ADAT1: variants seen among roughly 807,000 people sequenced by gnomAD.
ADAT1 encodes the protein tRNA-specific adenosine deaminase 1.
Under a neutral mutation model 58.6 loss-of-function variants are expected in ADAT1, and 58 were observed. The ratio of observed to expected loss-of-function variants is 0.99; its 90% confidence interval spans 0.80 to 1.23. ADAT1 has a LOEUF of 1.23. ADAT1 is among the 50% of genes most tolerant of loss of function. The pLI is 0.00. For missense variants in ADAT1, 741 were observed against 608.6 expected, an observed-to-expected ratio of 1.22 and a Z score of -2.29; for synonymous variants, 254 against 220.8, an observed-to-expected ratio of 1.15 and a Z score of -1.33.
chr16:75,601,832 C>G (rs1249874582), intron 9 of ADAT1: 1 of 152,134 alleles, frequency 6.6e-6, no homozygotes. Flanking sequence ...GCCAACTGAC[C>G]ACAGATCCAT....
At position 75,608,335 on chromosome 16, in the gene ADAT1, T is replaced by C. The variant is rs983192792; in HGVS notation, c.1190-12A>G. 2 of 1,610,374 alleles carry C rather than the reference T, an allele frequency of 1.2e-6. No homozygotes were observed. The highest frequency in any genetic ancestry group is 1.7e-6 in the Non-Finnish European group (2 of 1,176,754). On this transcript the variant is annotated splice_polypyrimidine_tract_variant and intron_variant, in intron 7 of 9. Transcript: ENST00000564657. ...ACTCCAGCTGATGGCTATGAAAAGATAAGATTCTAGGGTTAAAACTGCTCA... is the reference window on the plus strand; with the variant it reads ...ACTCCAGCTGATGGCTATGAAAAGACAAGATTCTAGGGTTAAAACTGCTCA...
At position 75,612,709 on chromosome 16, in the gene ADAT1, C is replaced by T. The variant is rs754541349; in HGVS notation, c.577G>A (p.Val193Ile). The change falls in exon 6 of 10, where the codon GTA becomes ATA. Residue 193 changes from valine to isoleucine, a missense_variant. Val to Ile is a conservative substitution (Grantham distance 29). Transcript: ENST00000564657. ...ERKCEDPDSP[V>I]TKKMRLEPGT... ...GGCTCAAGCCTCATCTTTTTGGTTA[C>T]AGGACTGTCAGGGTCTTCACATTTT... 64 of 1,613,950 alleles carry T rather than the reference C, an allele frequency of 4.0e-5. No homozygotes were observed. The highest frequency in any genetic ancestry group is 4.8e-5 in the Non-Finnish European group (57 of 1,180,016).
intron 1 of ADAT1, among the ~76,000 whole-genome samples, chr16:75,621,765 C>T (rs1168536190): frequency 6.6e-6 from 1 of 152,180 alleles, no homozygotes; most frequent in Non-Finnish European, 1.5e-5. Context: ...CCCTAGGATA[C>T]TTTGCAGGGA....
chr16:75,598,303 TG>T lies in ADAT1; in HGVS notation c.*1912del. The T allele has an allele frequency of 3.2e-6, 1 of 309,600 alleles. No individual in the cohort carries two copies. Among genetic ancestry groups the T allele is most frequent in the South Asian group, 2.3e-5 (1 of 43,016 alleles). The allele number at this position is 309,600 out of a possible 1,614,324, so 19.2% of individuals were successfully genotyped here. A position where few individuals can be genotyped will look rare whatever the true frequency, so the allele number is the denominator to read the frequency against. On this transcript the variant is annotated 3_prime_UTR_variant, in exon 10 of 10. Transcript: ENST00000564657. Reference sequence around the variant, plus strand: ...GTTGGCCAGGATGGTCTTGATCTCCTGACGTCGTGATCTGCCCACCTCGGCC... The same window carrying T: ...GTTGGCCAGGATGGTCTTGATCTCCTACGTCGTGATCTGCCCACCTCGGCC...
chr16:75,615,141 C>T (rs957879435), intron 5 of ADAT1, among the ~76,000 whole-genome samples: 10 of 150,206 alleles, frequency 6.7e-5, no homozygotes, highest in Admixed American at 2.0e-4. Flanking sequence ...GCAGGAGAAT[C>T]GCCTGGACCC....
In ADAT1 at chr16:75,620,520, T is replaced by C. The variant is rs1417792082; in HGVS notation, c.169+111A>G. The C allele has an allele frequency of 1.7e-5, 25 of 1,438,178 alleles. No homozygotes were observed. In the Admixed American group the frequency reaches 3.9e-4, roughly 23 times the overall value. 89.1% of individuals were successfully genotyped at this position (1,438,178 alleles called of 1,614,324 possible). A position where few individuals can be genotyped will look rare whatever the true frequency, so the allele number is the denominator to read the frequency against. On this transcript the variant is annotated intron_variant, in intron 2 of 9. Transcript: ENST00000564657. ...TCACCTAGCAGAGGACAAGCACATA[T>C]GCCTAACATCGTAGTTCACACCCTA...
chr16:75,614,189 C>CA (rs980150397), intron 5 of ADAT1, among the ~76,000 whole-genome samples: 5 of 149,766 alleles, frequency 3.3e-5, no homozygotes, highest in African/African-American at 7.4e-5. Context: ...GATTCCATCT[C>CA]AAAAAAAAAG....
intron 5 of ADAT1, among the ~76,000 whole-genome samples, chr16:75,613,490 C>T (rs1053921029): frequency 6.6e-6 from 1 of 152,056 alleles, no homozygotes; most frequent in Non-Finnish European, 1.5e-5. Context: ...TTAGTAGAGA[C>T]GAGGTTTCAC....
Position 75,608,896 on chromosome 16 carries a change from G to A in ADAT1, c.1136C>T (p.Ala379Val), listed in dbSNP as rs762132802. 4.4e-5 allele frequency: 71 copies of A among 1,613,570 alleles called. No individual in the cohort carries two copies. The highest frequency in any genetic ancestry group is 5.8e-5 in the Non-Finnish European group (68 of 1,179,888). The change falls in exon 7 of 10, where the codon GCG becomes GTG. Residue 379 changes from alanine (A) to valine (V), a missense_variant. Coordinates refer to ENST00000564657, the MANE Select transcript of ADAT1 (RefSeq NM_001324445.2). ...GCTATCAGCCCTTTTTGCCTGCACC[G>A]CACTGCGGCTCTGTTCAAATAGTAA... ...SDLLFEQSRSAVQAKRADSPG... is the reference protein window; with the variant it reads ...SDLLFEQSRSVVQAKRADSPG...
rs1327745606 is a variant in ADAT1, at chr16:75,617,069, AC to A, written c.424+72del. On this transcript the variant is annotated intron_variant, in intron 5 of 9. Coordinates refer to ENST00000564657, the MANE Select transcript of ADAT1 (RefSeq NM_001324445.2). ...AGCCATTAGTGCTTTTTAGGAAAAA[AC>A]CTACCTATGGATAACACAAACATAA... 4 of 1,516,126 alleles carry A rather than the reference AC, an allele frequency of 2.6e-6. No individual in the cohort carries two copies. In the African/African-American group the frequency reaches 5.5e-5, roughly 21 times the overall value. The allele number at this position is 1,516,126 out of a possible 1,614,324, so 93.9% of individuals were successfully genotyped here.
chr16:75,612,464 C>G lies in ADAT1; in HGVS notation c.822G>C (p.Pro274=), dbSNP rs200300172. ...VPGEAGDSGK[P]GAAFHQVGLL... ...GCCCCACCTGGTGAAACGCAGCACC[C>G]GGCTTTCCGGAGTCTCCAGCTTCTC... The change falls in exon 6 of 10, where the codon CCG becomes CCC. Residue 274 remains proline, a synonymous_variant. Transcript: ENST00000564657. 1 of 1,614,192 alleles carries G rather than the reference C, an allele frequency of 6.2e-7. No homozygotes were observed. Among genetic ancestry groups the G allele is most frequent in the Non-Finnish European group, 8.5e-7 (1 of 1,180,044 alleles).
At chr16:75,612,171 A>G (rs1597117287) in intron 6 of ADAT1, 72 bp downstream of exon 6, 1 of 1,504,444 alleles carries the variant, frequency 6.6e-7, no homozygotes, top group Non-Finnish European at 9.0e-7. Flanking sequence ...GAGATTCTTA[A>G]TGCTCTTAGG....
rs968519813 is a variant in ADAT1 at position 75,620,462 on chromosome 16, G to A, written c.170-128C>T. The A allele has an allele frequency of 4.0e-5, 56 of 1,395,126 alleles. No individual in the cohort carries two copies. The African/African-American group carries it at 7.2e-4, about 18-fold the overall frequency. 86.4% of individuals were successfully genotyped at this position (1,395,126 alleles called of 1,614,324 possible). A position where few individuals can be genotyped will look rare whatever the true frequency, so the allele number is the denominator to read the frequency against. On this transcript the variant is annotated intron_variant, in intron 2 of 9. Coordinates refer to ENST00000564657, the MANE Select transcript of ADAT1 (RefSeq NM_001324445.2). Reference sequence around the variant, plus strand: ...CACTCAACCAAGGTCTGCGGTTCCAGCATGGCGGTCTCCCGCCATCAGAGG... The same window carrying A: ...CACTCAACCAAGGTCTGCGGTTCCAACATGGCGGTCTCCCGCCATCAGAGG...
At chr16:75,617,576 G>C (rs1259098716) in intron 4 of ADAT1, among the ~76,000 whole-genome samples, 4 of 151,784 alleles carry the variant, frequency 2.6e-5, no homozygotes, top group Non-Finnish European at 5.9e-5. Context: ...TGAGGCTGTA[G>C]TGAGCTATGA....
chr16:75,610,479 T>C (rs373056615), intron 6 of ADAT1, among the ~76,000 whole-genome samples: 1 of 152,134 alleles, frequency 6.6e-6, no homozygotes, highest in Admixed American at 6.5e-5. Flanking sequence ...GTATTTTTTG[T>C]AGAGACAGGG....
At chr16:75,618,728 C>T in intron 3 of ADAT1, 88 bp from the exon 4 acceptor site, 2 of 1,497,138 alleles carry the variant, frequency 1.3e-6, no homozygotes, top group African/African-American at 1.4e-5. Context: ...GTCCCACCAG[C>T]ACCCAGGATG....
chr16:75,620,408 C>A (rs1479576415), intron 2 of ADAT1, 74 bp from the exon 3 acceptor site: 2 of 1,525,300 alleles, frequency 1.3e-6, no homozygotes, highest in Non-Finnish European at 9.1e-7. Context: ...GATCAGCCTG[C>A]ACACTCCTCT....
Position 75,599,979 on chromosome 16 carries a change from A to G in ADAT1, c.*237T>C, listed in dbSNP as rs1473541672. ...TGATTTCATATTTTAGAGAAGCAAT[A>G]AAACACAATGGAAGTCAGATAGTGA... On this transcript the variant is annotated 3_prime_UTR_variant, in exon 10 of 10. Transcript: ENST00000564657. 9 of 1,253,326 alleles carry G rather than the reference A, an allele frequency of 7.2e-6. No homozygotes were observed. The highest frequency in any genetic ancestry group is 9.0e-6 in the Non-Finnish European group (9 of 995,542). 77.6% of individuals were successfully genotyped at this position (1,253,326 alleles called of 1,614,324 possible).
chr16:75,618,363 G>C (rs749768966), intron 4 of ADAT1, among the ~76,000 whole-genome samples: 1 of 151,798 alleles, frequency 6.6e-6, no homozygotes, highest in East Asian at 1.9e-4. Context: ...AAAATTAGTT[G>C]AGCATGGTGG....
Sources: gnomAD v4.1 joint callset for allele counts (sites outside exome capture counted in the v4.1 genomes callset) on GRCh38, gnomAD v4.1.1 for gene constraint, MANE v1.5 for transcripts, NCBI Gene and HGNC (gene_info 2026-07-23, HGNC 2026-07-21) for gene names.